PI4K2B: variants seen among roughly 807,000 people sequenced by gnomAD.
PI4K2B encodes the protein phosphatidylinositol 4-kinase type 2-beta.
Under a neutral mutation model 56.6 loss-of-function variants are expected in PI4K2B, and 46 were observed. That is an observed-to-expected ratio of 0.81 (90% CI 0.64 to 1.04). The LOEUF is 1.04. PI4K2B is among the 50% of genes least tolerant of loss of function. The pLI, the probability that PI4K2B is intolerant of heterozygous loss-of-function variation, is 0.00. For synonymous variants in PI4K2B, 211 were observed against 223.8 expected (o/e 0.94, Z 0.51); for missense variants, 556 against 607.7 (o/e 0.91, Z 0.89).
At chr4:25,252,102 C>T (rs1716081009) in intron 1 of PI4K2B, among the ~76,000 whole-genome samples, 1 of 152,210 alleles carries the variant, frequency 6.6e-6, no homozygotes, top group African/African-American at 2.4e-5. Flanking sequence ...GCTGGGATTA[C>T]AGGCGTGAGC....
At position 25,256,366 on chromosome 4, in the gene PI4K2B, C is replaced by T. The variant is rs1013219256; in HGVS notation, c.625-177C>T. 2.0e-5 allele frequency among the ~76,000 whole-genome samples: 3 copies of T among 152,152 alleles called. No homozygotes were observed. In the South Asian group the frequency reaches 6.2e-4, roughly 31 times the overall value. ...ACCACTCTCAGAAAGAAATATGTGC[C>T]CTTCATTTAACAAGGCTTTGCAAAA... On this transcript the variant is annotated intron_variant, in intron 3 of 9. Transcript: ENST00000264864.
intron 8 of PI4K2B, among the ~76,000 whole-genome samples, chr4:25,268,919 G>C (rs3106321): frequency 0.83 from 126,606 of 152,236 alleles, 52,740 homozygotes; most frequent in Non-Finnish European, 0.84. Flanking sequence ...GGAAAGTCAT[G>C]TTAAATCCTT....
At position 25,278,613 on chromosome 4, in the gene PI4K2B, C is replaced by A. The variant is rs1717191764; in HGVS notation, c.*1426C>A. The A allele has an allele frequency of 6.6e-6, 1 of 152,574 alleles. No individual in the cohort carries two copies. Among genetic ancestry groups the A allele is most frequent in the Non-Finnish European group, 1.5e-5 (1 of 68,018 alleles). 9.5% of individuals were successfully genotyped at this position (152,574 alleles called of 1,614,324 possible). ...GAGTTCATTGGAAACCTGCGTTCTC[C>A]TACCTCTTCCAACCCTCCATTAGCT... is the stretch of plus-strand genomic sequence containing the variant. On this transcript the variant is annotated 3_prime_UTR_variant, in exon 10 of 10. Coordinates refer to ENST00000264864, the MANE Select transcript of PI4K2B (RefSeq NM_018323.4).
intron 9 of PI4K2B, among the ~76,000 whole-genome samples, chr4:25,274,565 T>C (rs143050425): frequency 2.5e-4 from 38 of 152,250 alleles, no homozygotes; most frequent in Non-Finnish European, 4.0e-4. Flanking sequence ...TGTGGCTGCT[T>C]CTAGAATTTG....
chr4:25,261,662 G>A (rs1421923219), intron 6 of PI4K2B, among the ~76,000 whole-genome samples: 18 of 152,070 alleles, frequency 1.2e-4, no homozygotes, highest in African/African-American at 4.1e-4. Flanking sequence ...AGGAACAAAC[G>A]ATACAATAGC....
chr4:25,243,977 C>T (rs1197927309), intron 1 of PI4K2B, among the ~76,000 whole-genome samples: 1 of 152,204 alleles, frequency 6.6e-6, no homozygotes, highest in Admixed American at 6.5e-5. Context: ...TCTCCAAACT[C>T]TTGGGCTGCA....
Position 25,252,349 on chromosome 4 carries a change from A to C in PI4K2B, c.297A>C (p.Ala99=). ...SVTIGTSEMN[A]FLDDPEFADI... ...CTATTGGTACTTCAGAGATGAATGCATTCTTGGATGACCCAGAATTTGCCG... is the reference window on the plus strand; with the variant it reads ...CTATTGGTACTTCAGAGATGAATGCCTTCTTGGATGACCCAGAATTTGCCG... Residue 99 remains alanine, a synonymous_variant, in exon 2 of 10, where the codon GCA becomes GCC. Coordinates refer to ENST00000264864, the MANE Select transcript of PI4K2B (RefSeq NM_018323.4). The C allele has an allele frequency of 1.9e-6, 3 of 1,611,032 alleles. No homozygotes were observed. The highest frequency in any genetic ancestry group is 2.5e-6 in the Non-Finnish European group (3 of 1,177,256).
chr4:25,246,718 C>T (rs993263241), intron 1 of PI4K2B, among the ~76,000 whole-genome samples: 6 of 152,332 alleles, frequency 3.9e-5, no homozygotes, highest in South Asian at 2.1e-4. Context: ...GAGCCCACGG[C>T]GGCGGGGGGA....
intron 1 of PI4K2B, among the ~76,000 whole-genome samples, chr4:25,247,729 G>A (rs1334793251): frequency 1.3e-5 from 2 of 152,046 alleles, no homozygotes; most frequent in East Asian, 3.9e-4. Context: ...TTTTGAGACA[G>A]GGTCTTATTC....
chr4:25,275,810 A>G (rs34411099), intron 9 of PI4K2B, among the ~76,000 whole-genome samples: 5,664 of 152,246 alleles, frequency 0.037, 261 homozygotes, highest in East Asian at 0.16. Context: ...ACAAACTAAA[A>G]TCATCTAGTT....
chr4:25,263,700 G>T, intron 6 of PI4K2B, 50 bp from the exon 7 acceptor site: 2 of 671,402 alleles, frequency 3.0e-6, no homozygotes, highest in Non-Finnish European at 2.7e-6. Context: ...TATCCTTTGG[G>T]AATATTTATA....
chr4:25,254,415 T>TC, intron 2 of PI4K2B: 1 of 812,992 alleles, frequency 1.2e-6, no homozygotes, highest in Non-Finnish European at 1.5e-6. Context: ...TGAAAGTCTT[T>TC]CCTTTTTTTT....
chr4:25,234,577 C>A, intron 1 of PI4K2B, 146 bp downstream of exon 1: 1 of 517,428 alleles, frequency 1.9e-6, no homozygotes. Flanking sequence ...CGGACCGGCG[C>A]CAGCCGCAGC....
At chr4:25,252,177 C>A in intron 1 of PI4K2B, 144 bp from the exon 2 acceptor site, 2 of 407,756 alleles carry the variant, frequency 4.9e-6, no homozygotes, top group African/African-American at 2.1e-5. Flanking sequence ...GGTTGTTAGG[C>A]AGTGGGGGGA....
chr4:25,245,633 T>G (rs575696316), intron 1 of PI4K2B, among the ~76,000 whole-genome samples: 1 of 152,298 alleles, frequency 6.6e-6, no homozygotes, highest in South Asian at 2.1e-4. Flanking sequence ...CCAGTGGCCA[T>G]GCTAGTCGCT....
At chr4:25,275,501 A>T (rs868203727) in intron 9 of PI4K2B, among the ~76,000 whole-genome samples, 13 of 152,136 alleles carry the variant, frequency 8.5e-5, no homozygotes, top group Middle Eastern at 3.4e-3. Context: ...CTGTCTCTCC[A>T]CAAAGTACAA....
At chr4:25,244,062 G>A (rs368800013) in intron 1 of PI4K2B, among the ~76,000 whole-genome samples, 70 of 152,278 alleles carry the variant, frequency 4.6e-4, no homozygotes, top group African/African-American at 1.6e-3. Context: ...AAGCAAGGTC[G>A]AAGGTTTGCC....
chr4:25,241,683 G>A (rs1324388565), intron 1 of PI4K2B, among the ~76,000 whole-genome samples: 2 of 152,110 alleles, frequency 1.3e-5, no homozygotes, highest in African/African-American at 2.4e-5. Flanking sequence ...ACACCAAGAC[G>A]GCCACTGCTG....
intron 6 of PI4K2B, among the ~76,000 whole-genome samples, chr4:25,262,827 C>T (rs1415665574): frequency 1.3e-5 from 2 of 152,148 alleles, no homozygotes; most frequent in South Asian, 2.1e-4. Flanking sequence ...CATGAAAACC[C>T]TCTTTCTCCT....
Sources: allele counts gnomAD v4.1 joint callset (sites outside exome capture counted in the v4.1 genomes callset), GRCh38; gene constraint gnomAD v4.1.1; transcripts MANE v1.5; gene names NCBI Gene and HGNC (gene_info 2026-07-23, HGNC 2026-07-21).